The following MARK1 variants were observed in gnomAD, a reference collection of about 807,000 sequenced individuals.
MARK1 encodes the protein serine/threonine-protein kinase MARK1.
A neutral mutation model predicts 96.3 loss-of-function variants in MARK1; 40 were observed. The ratio of observed to expected loss-of-function variants is 0.42; its 90% CI spans 0.32 to 0.54. The LOEUF is 0.54. Among genes scored for constraint, MARK1 ranks in the 20% least tolerant of loss-of-function variants. The pLI is 0.16. For missense variants in MARK1, 719 were observed against 984.6 expected, an observed-to-expected ratio of 0.73 and a Z score of 3.61; for synonymous variants, 317 against 341.2, an observed-to-expected ratio of 0.93 and a Z score of 0.78.
chr1:220,600,046 A>G (rs1178184335), intron 5 of MARK1, among the ~76,000 whole-genome samples, 183 bp downstream of exon 5: 2 of 152,174 alleles, frequency 1.3e-5, no homozygotes, highest in Non-Finnish European at 2.9e-5. Context: ...ATCTTACATT[A>G]TAAATGGAAT....
rs1284629107 is a variant in MARK1 at position 220,654,897 on chromosome 1, G to A, written c.1988+1545G>A. On this transcript the variant is annotated intron_variant, in intron 16 of 17. Coordinates refer to ENST00000366917, the MANE Select transcript of MARK1 (RefSeq NM_018650.5). This position sits in a 1 kb window ranked among gnomAD's most constrained non-coding sequence, Gnocchi z 4.0. ...GGAAGTCGTGAGATAGAATGCCAAA[G>A]CAAGAAAGTGCCTTAGAGCTGGTCT... is the stretch of plus-strand genomic sequence containing the variant. Among the ~76,000 whole-genome samples, 2 of 152,222 alleles carry A rather than the reference G, an allele frequency of 1.3e-5. No individual in the cohort carries two copies. The highest frequency in any genetic ancestry group is 2.1e-4 in the South Asian group (1 of 4,834).
chr1:220,605,949 G>A (rs1050088963), intron 6 of MARK1, among the ~76,000 whole-genome samples: 1 of 152,076 alleles, frequency 6.6e-6, no homozygotes, highest in Non-Finnish European at 1.5e-5. Flanking sequence ...AGTCTTTGCT[G>A]TTGTGAATAG....
rs1294674157 is a variant in MARK1, at chr1:220,662,880, T to C, written c.*714T>C. ...AGGAAGTACCGGGAAAAAAGTTAAA[T>C]CTACATCAAGTTTCTTTTGAACTTT... On this transcript the variant is annotated 3_prime_UTR_variant, in exon 18 of 18. Transcript: ENST00000366917. 4 of 152,594 alleles carry C rather than the reference T, an allele frequency of 2.6e-5. No individual in the cohort carries two copies. The highest frequency in any genetic ancestry group is 4.8e-5 in the African/African-American group (2 of 41,444). The allele number at this position is 152,594 out of a possible 1,614,324, so 9.5% of individuals were successfully genotyped here. A position where few individuals can be genotyped will look rare whatever the true frequency, so the allele number is the denominator to read the frequency against.
intron 1 of MARK1, among the ~76,000 whole-genome samples, chr1:220,540,119 T>G (rs780217619): frequency 2.0e-4 from 31 of 152,174 alleles, no homozygotes; most frequent in Non-Finnish European, 3.7e-4. Context: ...ATTAGGGTTC[T>G]CCAGAGAAAC....
chr1:220,577,126 A>G (rs569597573), intron 1 of MARK1, among the ~76,000 whole-genome samples: 19 of 152,104 alleles, frequency 1.2e-4, no homozygotes, highest in African/African-American at 4.1e-4. Flanking sequence ...AAAAACAGTT[A>G]AAAAAGTAGC....
chr1:220,530,035 G>T (rs1447973093), intron 1 of MARK1, among the ~76,000 whole-genome samples: 1 of 152,154 alleles, frequency 6.6e-6, no homozygotes. Context: ...TAGACAAAAG[G>T]CATGAGAGAA....
intron 11 of MARK1, 50 bp from the exon 12 acceptor site, chr1:220,635,324 CTT>C (rs71794752): frequency 0.11 from 121,946 of 1,095,818 alleles, 39 homozygotes; most frequent in South Asian, 0.13. Context: ...TTTGTGCAAA[CTT>C]TTTTTTTTTT....
chr1:220,536,020 CTT>C (rs35210447), intron 1 of MARK1, among the ~76,000 whole-genome samples: 1 of 151,404 alleles, frequency 6.6e-6, no homozygotes. Flanking sequence ...GAATTTTATA[CTT>C]TTTTTTTGTT....
intron 13 of MARK1, among the ~76,000 whole-genome samples, chr1:220,642,142 G>C (rs751461416): frequency 6.6e-6 from 1 of 152,210 alleles, no homozygotes; most frequent in Non-Finnish European, 1.5e-5. Flanking sequence ...CTCACTCAGT[G>C]GGTCCCCCTC....
chr1:220,589,417 A>T (rs1664844372), intron 3 of MARK1, among the ~76,000 whole-genome samples: 1 of 152,200 alleles, frequency 6.6e-6, no homozygotes, highest in African/African-American at 2.4e-5. Flanking sequence ...ATTGAGGGAA[A>T]TATTGATTGA....
intron 6 of MARK1, among the ~76,000 whole-genome samples, chr1:220,611,451 G>A (rs1425578738): frequency 2.6e-5 from 4 of 152,190 alleles, no homozygotes; most frequent in African/African-American, 9.6e-5. Context: ...TTTGGGTGGG[G>A]AGTGTCCCGT....
intron 4 of MARK1, among the ~76,000 whole-genome samples, 155 bp from the exon 5 acceptor site, chr1:220,599,643 A>G (rs1214371521): frequency 6.6e-6 from 1 of 152,134 alleles, no homozygotes; most frequent in Non-Finnish European, 1.5e-5. Context: ...CATAGGAGTA[A>G]TAATCTTTGA....
chr1:220,583,778 A>AGATGGGG (rs1327188183), intron 3 of MARK1, among the ~76,000 whole-genome samples: 1 of 147,842 alleles, frequency 6.8e-6, no homozygotes, highest in Non-Finnish European at 1.5e-5. Flanking sequence ...CCTCCTGAGT[A>AGATGGGG]GATGGGACTA....
intron 15 of MARK1, 22 bp downstream of exon 15, chr1:220,652,172 AT>A: frequency 6.4e-7 from 1 of 1,567,736 alleles, no homozygotes; most frequent in South Asian, 1.1e-5. Context: ...GTTACATCTC[AT>A]TTTGTTCATT....
intron 1 of MARK1, among the ~76,000 whole-genome samples, chr1:220,558,112 A>C (rs951976254): frequency 1.3e-5 from 2 of 149,332 alleles, no homozygotes; most frequent in African/African-American, 4.9e-5. Context: ...CAGCCTGGGC[A>C]ACAGAGTGAG....
chr1:220,554,411 G>A (rs1021242574), intron 1 of MARK1, among the ~76,000 whole-genome samples: 1 of 152,186 alleles, frequency 6.6e-6, no homozygotes, highest in African/African-American at 2.4e-5. Context: ...AGTAGAGGTT[G>A]GAGTACTACT....
intron 4 of MARK1, 77 bp from the exon 5 acceptor site, chr1:220,599,721 G>A (rs1421304349): frequency 1.4e-6 from 1 of 719,394 alleles, no homozygotes; most frequent in Non-Finnish European, 2.3e-6. Flanking sequence ...TACTAGTTTA[G>A]TGTTACCTTA....
chr1:220,657,875 G>A (rs759451305), intron 17 of MARK1, 41 bp downstream of exon 17: 174 of 1,408,158 alleles, frequency 1.2e-4, no homozygotes, highest in Middle Eastern at 1.1e-3. Context: ...AGGTCCCTGT[G>A]TATGAAAACG....
At chr1:220,586,217 C>A (rs151299613) in intron 3 of MARK1, among the ~76,000 whole-genome samples, 43 of 152,180 alleles carry the variant, frequency 2.8e-4, no homozygotes, top group African/African-American at 1.0e-3. Context: ...ATGAACTCGC[C>A]GTAGCTTCTC....
Sources: gnomAD v4.1 joint callset for allele counts (sites outside exome capture counted in the v4.1 genomes callset) on GRCh38, gnomAD v4.1.1 for gene constraint, Gnocchi (gnomAD v3.1) non-coding constraint, MANE v1.5 for transcripts, NCBI Gene and HGNC (gene_info 2026-07-23, HGNC 2026-07-21) for gene names.